The following PLAGL1 variants were observed in gnomAD, a reference collection of about 807,000 sequenced individuals.
PLAGL1 encodes zinc finger protein PLAGL1.
Under a neutral mutation model 4.6 loss-of-function variants are expected in PLAGL1, and 1 was observed. That is an observed-to-expected ratio of 0.22 (90% confidence interval 0.08 to 1.03). The LOEUF (loss-of-function observed/expected upper bound fraction) is 1.03. Among genes scored for constraint, PLAGL1 ranks in the 50% least tolerant of loss-of-function variants. PLAGL1 has a pLI of 0.58. For synonymous variants in PLAGL1, 240 were observed against 237.8 expected (o/e 1.01, Z -0.08); for missense variants, 464 against 570.4 (o/e 0.81, Z 1.90).
At position 144,000,235 on chromosome 6, in the gene PLAGL1, C is replaced by A. The variant is rs1792555845; in HGVS notation, c.-584+7855G>T. ...AAAATAAGAATGCCCATGATCAGTACCACTATTCTTCATTGTACTGGTTGT... is the reference window on the plus strand; with the variant it reads ...AAAATAAGAATGCCCATGATCAGTAACACTATTCTTCATTGTACTGGTTGT... On this transcript the variant is annotated intron_variant, in intron 1 of 7. Coordinates refer to ENST00000674357, the MANE Select transcript of PLAGL1 (RefSeq NM_001317162.2). This position sits in a 1 kb window ranked among gnomAD's most constrained non-coding sequence, Gnocchi z 4.1. Among the ~76,000 whole-genome samples, 1 of 152,068 alleles carries A rather than the reference C, an allele frequency of 6.6e-6. No individual in the cohort carries two copies. The highest frequency in any genetic ancestry group is 2.4e-5 in the African/African-American group (1 of 41,416).
Position 143,997,761 on chromosome 6 carries a change from T to A in PLAGL1, c.-584+10329A>T, listed in dbSNP as rs372091945. Among the ~76,000 whole-genome samples the A allele has an allele frequency of 1.3e-5, 2 of 151,956 alleles. No homozygotes were observed. Among genetic ancestry groups the A allele is most frequent in the South Asian group, 4.2e-4 (2 of 4,816 alleles). On this transcript the variant is annotated intron_variant, in intron 1 of 7. Coordinates refer to ENST00000674357, the MANE Select transcript of PLAGL1 (RefSeq NM_001317162.2). This position sits in a 1 kb window ranked among gnomAD's most constrained non-coding sequence, Gnocchi z 4.6. ...ATGGACATCAGAAGAGTGTGATCCA[T>A]AGGGGAGGTGTTGACCAGGAGGTAA... is the stretch of plus-strand genomic sequence containing the variant.
chr6:143,951,683 T>C (rs1478938110), intron 6 of PLAGL1, among the ~76,000 whole-genome samples: 1 of 152,212 alleles, frequency 6.6e-6, no homozygotes, highest in Non-Finnish European at 1.5e-5. Context: ...AATGGGACAA[T>C]CTGAGCATTA....
At chr6:144,011,945 A>G (rs558093189), upstream of PLAGL1, among the ~76,000 whole-genome samples, 1 of 152,278 alleles carries the variant, frequency 6.6e-6, no homozygotes, top group East Asian at 1.9e-4. This position sits in a 1 kb window ranked among gnomAD's most constrained non-coding sequence, Gnocchi z 4.3. Context: ...AACATCTCAC[A>G]GGTGTGCCCT....
Position 143,986,312 on chromosome 6 carries a change from T to C in PLAGL1, c.-583-1138A>G, listed in dbSNP as rs550113709. 3.3e-5 allele frequency among the ~76,000 whole-genome samples: 5 copies of C among 152,192 alleles called. No homozygotes were observed. The East Asian group carries it at 9.6e-4, about 29-fold the overall frequency. On this transcript the variant is annotated intron_variant, in intron 1 of 7. Coordinates refer to ENST00000674357, the MANE Select transcript of PLAGL1 (RefSeq NM_001317162.2). ...ACAAGGAAAATGTCCAAAGCAATGA[T>C]GTGTAAAATGGAAGGAGTATTTTAT...
intron 1 of PLAGL1, among the ~76,000 whole-genome samples, chr6:144,047,677 A>G (rs548184568): frequency 6.6e-6 from 1 of 152,192 alleles, no homozygotes; most frequent in Admixed American, 6.5e-5. Flanking sequence ...CAATCACCCC[A>G]CACCAGGTCT....
rs35131977 is a variant in PLAGL1, at chr6:144,027,744, C to T, written c.-151+36724G>A. Among the ~76,000 whole-genome samples, 16,374 of 151,978 alleles carry T rather than the reference C, an allele frequency of 0.11. 1,097 individuals are homozygous for T. Among genetic ancestry groups the T allele is most frequent in the East Asian group, 0.15 (774 of 5,190 alleles). ...AAAGTCTCTTTAGTGGGAAACACTTCGCTCTGTCAGGGAAATGTTAATCAT... is the reference window on the plus strand; with the variant it reads ...AAAGTCTCTTTAGTGGGAAACACTTTGCTCTGTCAGGGAAATGTTAATCAT... On this transcript the variant is annotated intron_variant, in intron 1 of 3. Transcript: ENST00000437412. The surrounding 1 kb of genome is among the most constrained non-coding windows in gnomAD (Gnocchi z 5.8).
chr6:144,038,069 A>C (rs1039384819), intron 1 of PLAGL1, among the ~76,000 whole-genome samples: 8 of 152,258 alleles, frequency 5.3e-5, no homozygotes, highest in African/African-American at 1.7e-4. Flanking sequence ...TAGTAGTTGG[A>C]GTCTCAGATG....
At chr6:143,999,800 T>C (rs1239960143) in intron 1 of PLAGL1, among the ~76,000 whole-genome samples, 2 of 152,222 alleles carry the variant, frequency 1.3e-5, no homozygotes, top group Non-Finnish European at 2.9e-5. Context: ...AATTTACTTA[T>C]TATGATAATT....
At chr6:143,987,249 G>C (rs1789392898) in intron 1 of PLAGL1, among the ~76,000 whole-genome samples, 2 of 151,908 alleles carry the variant, frequency 1.3e-5, no homozygotes, top group South Asian at 4.2e-4. Flanking sequence ...CTGTCACCCA[G>C]ACTGAAGTGT....
rs577307484 is a variant in PLAGL1, at chr6:144,022,922, CA to C, written c.-151+41545del. Among the ~76,000 whole-genome samples, 11 of 152,312 alleles carry C rather than the reference CA, an allele frequency of 7.2e-5. No homozygotes were observed. The South Asian group carries it at 2.3e-3, about 32-fold the overall frequency. ...CAATTGATTTGAAAACATATCCATA[CA>C]AAAACCTGCACATGAATATTTATAG... On this transcript the variant is annotated intron_variant, in intron 1 of 3. Transcript: ENST00000437412. This position sits in a 1 kb window ranked among gnomAD's most constrained non-coding sequence, Gnocchi z 4.2.
At chr6:144,042,842 T>C (rs550813451) in intron 1 of PLAGL1, among the ~76,000 whole-genome samples, 3 of 152,244 alleles carry the variant, frequency 2.0e-5, no homozygotes, top group Admixed American at 2.0e-4. Flanking sequence ...TGTTCTCTTT[T>C]ATTTTGTTGA....
Position 144,036,807 on chromosome 6 carries a change from A to G in PLAGL1, c.-151+27661T>C. The G allele has an allele frequency of 3.0e-6, 1 of 333,298 alleles. No homozygotes were observed. The highest frequency in any genetic ancestry group is 5.7e-6 in the Non-Finnish European group (1 of 175,062). 20.6% of individuals were successfully genotyped at this position (333,298 alleles called of 1,614,324 possible). A position where few individuals can be genotyped will look rare whatever the true frequency, so the allele number is the denominator to read the frequency against. Reference sequence around the variant, plus strand: ...AGACCTGCTAAATGCCCATTATGACACTATTTGACTAAACAGGTTTGAAAT... The same window carrying G: ...AGACCTGCTAAATGCCCATTATGACGCTATTTGACTAAACAGGTTTGAAAT... On this transcript the variant is annotated intron_variant, in intron 1 of 3. Coordinates refer to the PLAGL1 transcript ENST00000437412. This position sits in a 1 kb window ranked among gnomAD's most constrained non-coding sequence, Gnocchi z 5.1.
rs1554263920 is a variant in PLAGL1, at chr6:143,985,982, T to TATATATATA, written c.-583-809_-583-808insTATATATAT. On this transcript the variant is annotated intron_variant, in intron 1 of 7. Coordinates refer to ENST00000674357, the MANE Select transcript of PLAGL1 (RefSeq NM_001317162.2). The surrounding 1 kb of genome is among the most constrained non-coding windows in gnomAD (Gnocchi z 4.4). ...TATATCAAATTATATATATATAAAA[T>TATATATATA]TATATATATATATATATATATATAT... Among the ~76,000 whole-genome samples, 2 of 111,572 alleles carry TATATATATA rather than the reference T, an allele frequency of 1.8e-5. No individual in the cohort carries two copies. Among genetic ancestry groups the TATATATATA allele is most frequent in the South Asian group, 3.0e-4 (1 of 3,334 alleles). 73.2% of individuals were successfully genotyped at this position (111,572 alleles called of 152,430 possible).
Position 143,973,207 on chromosome 6 carries a change from C to T in PLAGL1, c.-543-4229G>A, listed in dbSNP as rs1040845215. 1.3e-5 allele frequency among the ~76,000 whole-genome samples: 2 copies of T among 152,232 alleles called. No homozygotes were observed. Among genetic ancestry groups the T allele is most frequent in the East Asian group, 3.9e-4 (2 of 5,186 alleles). ...CAGGAAAACAGGGCATTGATTTCAG[C>T]GAGTTCCCAGGGAGCAGCTGCAACA... On this transcript the variant is annotated intron_variant, in intron 2 of 7. Coordinates refer to ENST00000674357, the MANE Select transcript of PLAGL1 (RefSeq NM_001317162.2). This position sits in a 1 kb window ranked among gnomAD's most constrained non-coding sequence, Gnocchi z 6.2.
Position 144,027,374 on chromosome 6 carries a change from G to T in PLAGL1, c.-151+37094C>A, listed in dbSNP as rs1796453173. Reference sequence around the variant, plus strand: ...AATAAGAAGCAAAACTGCAGGTGAGGATCTTTTTGTTTCTTCTACAATCCC... The same window carrying T: ...AATAAGAAGCAAAACTGCAGGTGAGTATCTTTTTGTTTCTTCTACAATCCC... On this transcript the variant is annotated intron_variant, in intron 1 of 3. Coordinates refer to the PLAGL1 transcript ENST00000437412. The surrounding 1 kb of genome is among the most constrained non-coding windows in gnomAD (Gnocchi z 5.8). Among the ~76,000 whole-genome samples, 1 of 152,134 alleles carries T rather than the reference G, an allele frequency of 6.6e-6. No homozygotes were observed. The highest frequency in any genetic ancestry group is 1.5e-5 in the Non-Finnish European group (1 of 68,020).
chr6:143,952,895 TC>T lies in PLAGL1; in HGVS notation c.-324-4436del, dbSNP rs1781356406. On this transcript the variant is annotated intron_variant, in intron 6 of 7. Coordinates refer to ENST00000674357, the MANE Select transcript of PLAGL1 (RefSeq NM_001317162.2). This position sits in a 1 kb window ranked among gnomAD's most constrained non-coding sequence, Gnocchi z 6.1. ...TGAAGGACTTTGGTAGCAGTCTCTA[TC>T]AAATTTAAAAAAGCTATTTAGAAAT... Among the ~76,000 whole-genome samples, 1 of 152,214 alleles carries T rather than the reference TC, an allele frequency of 6.6e-6. No individual in the cohort carries two copies. Among genetic ancestry groups the T allele is most frequent in the Non-Finnish European group, 1.5e-5 (1 of 68,044 alleles).
At chr6:144,035,015 T>C (rs924404046) in intron 1 of PLAGL1, among the ~76,000 whole-genome samples, 2 of 152,158 alleles carry the variant, frequency 1.3e-5, no homozygotes, top group African/African-American at 4.8e-5. Flanking sequence ...AATGATAGAA[T>C]CTAGTGGTGG....
At position 143,994,863 on chromosome 6, in the gene PLAGL1, T is replaced by C. The variant is rs1791287494; in HGVS notation, c.-583-9689A>G. 6.6e-6 allele frequency among the ~76,000 whole-genome samples: 1 copy of C among 152,246 alleles called. No individual in the cohort carries two copies. Among genetic ancestry groups the C allele is most frequent in the African/African-American group, 2.4e-5 (1 of 41,474 alleles). ...TTATAATACATGTCAGTTTCTGATG[T>C]GTTTGCTCTTAGCAAATTTGCATTA... On this transcript the variant is annotated intron_variant, in intron 1 of 7. Coordinates refer to ENST00000674357, the MANE Select transcript of PLAGL1 (RefSeq NM_001317162.2). The surrounding 1 kb of genome is among the most constrained non-coding windows in gnomAD (Gnocchi z 4.3).
chr6:144,004,995 GATTA>G lies in PLAGL1; in HGVS notation c.-584+3091_-584+3094del, dbSNP rs1793847069. 6.7e-6 allele frequency: 1 copy of G among 149,120 alleles called. No individual in the cohort carries two copies. The highest frequency in any genetic ancestry group is 1.5e-5 in the Non-Finnish European group (1 of 67,424). 9.2% of individuals were successfully genotyped at this position (149,120 alleles called of 1,614,324 possible). A position where few individuals can be genotyped will look rare whatever the true frequency, so the allele number is the denominator to read the frequency against. On this transcript the variant is annotated intron_variant, in intron 1 of 7. Transcript: ENST00000674357. The surrounding 1 kb of genome is among the most constrained non-coding windows in gnomAD (Gnocchi z 4.2). The stretch of plus-strand genomic sequence containing the variant: ...AATTTTTATATAAACTCTACAGAGA[GATTA>G]TATATAATCTATATATAAAGTGTAT...
Sources: gnomAD v4.1 joint callset for allele counts (sites outside exome capture counted in the v4.1 genomes callset) on GRCh38, gnomAD v4.1.1 for gene constraint, Gnocchi (gnomAD v3.1) non-coding constraint, MANE v1.5 for transcripts, NCBI Gene and HGNC (gene_info 2026-07-23, HGNC 2026-07-21) for gene names.